GPALPP1: variants seen among roughly 807,000 people sequenced by gnomAD.
GPALPP1 encodes GPALPP motifs-containing protein 1.
GPALPP1 carries 30 observed loss-of-function variants against 38.9 expected under a neutral mutation model. The observed-to-expected ratio is 0.77, with a 90% CI of 0.58 to 1.05. The LOEUF (loss-of-function observed/expected upper bound fraction) is 1.05, where lower values mean the gene tolerates loss of function less well. Among genes scored for constraint, GPALPP1 ranks in the 50% least tolerant of loss-of-function variants. GPALPP1 has a pLI of 0.00. For synonymous variants in GPALPP1, 120 were observed against 139.2 expected (o/e 0.86, Z 0.97); for missense variants, 384 against 408.8 (o/e 0.94, Z 0.52).
chr13:45,011,956 TA>T (rs915883733), intron 4 of GPALPP1, among the ~76,000 whole-genome samples: 2 of 152,010 alleles, frequency 1.3e-5, no homozygotes, highest in African/African-American at 4.8e-5. Flanking sequence ...GGGGAAGAAA[TA>T]AAATAACAAC....
At chr13:45,000,591 T>C (rs913861715) in intron 1 of GPALPP1, among the ~76,000 whole-genome samples, 7 of 151,848 alleles carry the variant, frequency 4.6e-5, no homozygotes, top group Admixed American at 4.6e-4. Context: ...TAGTATACAA[T>C]TGATAAATTA....
In GPALPP1 at chr13:45,029,851, A is replaced by G. The variant is rs535598703; in HGVS notation, c.*1848A>G. 7 of 152,256 alleles carry G rather than the reference A, an allele frequency of 4.6e-5. No homozygotes were observed. In the South Asian group the frequency reaches 1.5e-3, roughly 32 times the overall value. 9.4% of individuals were successfully genotyped at this position (152,256 alleles called of 1,614,324 possible). A position where few individuals can be genotyped will look rare whatever the true frequency, so the allele number is the denominator to read the frequency against. Reference sequence around the variant, plus strand: ...TGGGTTATCTCATGTGCTAAGGAAAAACTATTTTGCTTTTTCCAACTTTAA... The same window carrying G: ...TGGGTTATCTCATGTGCTAAGGAAAGACTATTTTGCTTTTTCCAACTTTAA... On this transcript the variant is annotated 3_prime_UTR_variant, in exon 8 of 8. Coordinates refer to ENST00000379151, the MANE Select transcript of GPALPP1 (RefSeq NM_018559.5).
At chr13:45,013,386 CTT>C (rs916887298) in intron 4 of GPALPP1, among the ~76,000 whole-genome samples, 4 of 152,178 alleles carry the variant, frequency 2.6e-5, no homozygotes, top group African/African-American at 9.7e-5. Flanking sequence ...CCCTGTGCCT[CTT>C]TTGTAGAGAA....
In GPALPP1 at chr13:45,014,989, C is replaced by G. The variant is rs762483039; in HGVS notation, c.446C>G (p.Pro149Arg). 9 of 1,604,616 alleles carry G rather than the reference C, an allele frequency of 5.6e-6. No homozygotes were observed. Among genetic ancestry groups the G allele is most frequent in the Non-Finnish European group, 7.7e-6 (9 of 1,173,238 alleles). Residue 149 changes from proline (P) to arginine (R), a missense_variant, in exon 5 of 8, where the codon CCA becomes CGA. Coordinates refer to ENST00000379151, the MANE Select transcript of GPALPP1 (RefSeq NM_018559.5). ...AGTGAAGATGAGGATATTATTGGAC[C>G]AATGCCTGCAAAAGGACCAGTTAAC... is the stretch of plus-strand genomic sequence containing the variant. ...DSSEDEDIIG[P>R]MPAKGPVNYN...
chr13:45,003,996 G>A (rs1593388993), intron 1 of GPALPP1, among the ~76,000 whole-genome samples: 1 of 151,010 alleles, frequency 6.6e-6, no homozygotes, highest in African/African-American at 2.4e-5. Context: ...ACCAACCAAT[G>A]CAAAAACTGC....
chr13:45,013,630 G>C (rs11620104), intron 4 of GPALPP1, among the ~76,000 whole-genome samples: 1 of 152,106 alleles, frequency 6.6e-6, no homozygotes, highest in African/African-American at 2.4e-5. Flanking sequence ...CCTAAGAAGG[G>C]TGTGGCTTTA....
At chr13:45,018,925 G>A (rs868803532) in intron 6 of GPALPP1, among the ~76,000 whole-genome samples, 2 of 72,782 alleles carry the variant, frequency 2.7e-5, no homozygotes, top group African/African-American at 2.2e-4. Flanking sequence ...ACATATAAAT[G>A]TATAAATATA....
At chr13:45,018,346 G>A (rs192284776) in intron 6 of GPALPP1, among the ~76,000 whole-genome samples, 1,564 of 151,230 alleles carry the variant, frequency 0.01, 13 homozygotes, top group Non-Finnish European at 0.015. Flanking sequence ...GCAGTGAGCC[G>A]AGATTGTGCC....
rs144909394 is a variant in GPALPP1 at position 44,997,573 on chromosome 13, T to G, written c.89-6732T>G. Among the ~76,000 whole-genome samples, 3 of 152,206 alleles carry G rather than the reference T, an allele frequency of 2.0e-5. No homozygotes were observed. In the East Asian group the frequency reaches 5.8e-4, roughly 29 times the overall value. Reference sequence around the variant, plus strand: ...CTACTCCAGCTCCAAAAACTCAAATTCAAATCTCATTCTCAGCAAGAACCC... The same window carrying G: ...CTACTCCAGCTCCAAAAACTCAAATGCAAATCTCATTCTCAGCAAGAACCC... On this transcript the variant is annotated intron_variant, in intron 1 of 7. Transcript: ENST00000379151.
intron 6 of GPALPP1, among the ~76,000 whole-genome samples, chr13:45,019,514 CAGG>C (rs1875231305): frequency 1.3e-5 from 2 of 151,586 alleles, no homozygotes; most frequent in Admixed American, 1.3e-4. Context: ...TTAGTAGTTC[CAGG>C]AGTTTTTTTA....
chr13:45,019,739 A>G (rs2138003682), intron 6 of GPALPP1, among the ~76,000 whole-genome samples: 1 of 150,736 alleles, frequency 6.6e-6, no homozygotes, highest in Non-Finnish European at 1.5e-5. Context: ...TCACTTCTAC[A>G]TCTCACCACT....
intron 1 of GPALPP1, among the ~76,000 whole-genome samples, chr13:45,000,233 A>G (rs1159610075): frequency 6.6e-6 from 1 of 152,180 alleles, no homozygotes; most frequent in Non-Finnish European, 1.5e-5. Flanking sequence ...GCTGGACAAC[A>G]TAGTGAGACC....
intron 6 of GPALPP1, among the ~76,000 whole-genome samples, chr13:45,019,170 C>T (rs899303934): frequency 5.6e-5 from 8 of 143,574 alleles, no homozygotes; most frequent in Admixed American, 5.0e-4. Context: ...TTTTTTGAGA[C>T]AGAAGCTTGC....
intron 6 of GPALPP1, among the ~76,000 whole-genome samples, chr13:45,018,384 G>A (rs1420634555): frequency 2.7e-5 from 4 of 148,334 alleles, no homozygotes; most frequent in Admixed American, 1.3e-4. Flanking sequence ...GTAACAGAGC[G>A]AGACTCTGTC....
Position 44,989,598 on chromosome 13 carries a change from G to C in GPALPP1, c.-57G>C, listed in dbSNP as rs765890780. ...GCTGCTGATCGCGGGATTCTTTTTGGATAGGGTTGACGTTCGTGGATAGAC... is the reference window on the plus strand; with the variant it reads ...GCTGCTGATCGCGGGATTCTTTTTGCATAGGGTTGACGTTCGTGGATAGAC... On this transcript the variant is annotated 5_prime_UTR_variant, in exon 1 of 8. Coordinates refer to ENST00000379151, the MANE Select transcript of GPALPP1 (RefSeq NM_018559.5). 29 of 1,520,926 alleles carry C rather than the reference G, an allele frequency of 1.9e-5. No individual in the cohort carries two copies. Among genetic ancestry groups the C allele is most frequent in the Non-Finnish European group, 2.5e-5 (27 of 1,100,514 alleles). 94.2% of individuals were successfully genotyped at this position (1,520,926 alleles called of 1,614,324 possible).
At position 45,016,318 on chromosome 13, in the gene GPALPP1, G is replaced by A. The variant is rs565495339; in HGVS notation, c.705+722G>A. Among the ~76,000 whole-genome samples, 87 of 152,200 alleles carry A rather than the reference G, an allele frequency of 5.7e-4. 1 individual carries two copies. Among genetic ancestry groups the A allele is most frequent in the Non-Finnish European group, 1.0e-3 (70 of 68,002 alleles). On this transcript the variant is annotated intron_variant, in intron 6 of 7. Transcript: ENST00000379151. Reference sequence around the variant, plus strand: ...AAAATAAAAAAATTAGCCAGGCGCGGTGGCATGTGCCTATAATCCCAGCTA... The same window carrying A: ...AAAATAAAAAAATTAGCCAGGCGCGATGGCATGTGCCTATAATCCCAGCTA...
At chr13:45,000,091 G>A (rs776604019) in intron 1 of GPALPP1, among the ~76,000 whole-genome samples, 29 of 151,844 alleles carry the variant, frequency 1.9e-4, no homozygotes, top group Non-Finnish European at 3.1e-4. Context: ...TGTATATCTC[G>A]TTTGTTTCTT....
chr13:45,017,331 A>G (rs1360222003), intron 6 of GPALPP1, among the ~76,000 whole-genome samples: 1 of 152,156 alleles, frequency 6.6e-6, no homozygotes, highest in Non-Finnish European at 1.5e-5. Context: ...TTTTTGTCCT[A>G]AGATTAAAGA....
intron 1 of GPALPP1, among the ~76,000 whole-genome samples, chr13:44,993,681 CAA>C (rs148313017): frequency 7.3e-5 from 8 of 109,696 alleles, no homozygotes; most frequent in Admixed American, 9.6e-5. Context: ...GACTCCGTCT[CAA>C]AAAAAAAAAA....
Sources: allele counts gnomAD v4.1 joint callset (sites outside exome capture counted in the v4.1 genomes callset), GRCh38; gene constraint gnomAD v4.1.1; transcripts MANE v1.5; gene names NCBI Gene and HGNC (gene_info 2026-07-23, HGNC 2026-07-21).